Variants in OSBPL9 observed in about 807,000 individuals in gnomAD.
The protein encoded by OSBPL9 is oxysterol-binding protein-related protein 9.
A neutral mutation model predicts 106.6 loss-of-function variants in OSBPL9; 40 were observed. That is an observed-to-expected ratio of 0.38 (90% confidence interval 0.29 to 0.49). The LOEUF (loss-of-function observed/expected upper bound fraction) is 0.49, where lower values mean the gene tolerates loss of function less well. Among genes scored for constraint, OSBPL9 ranks in the 20% least tolerant of loss-of-function variants. The pLI is 0.97. For missense variants in OSBPL9, 609 were observed against 887.2 expected (o/e 0.69, Z 3.98); for synonymous variants, 269 against 295.4 (o/e 0.91, Z 0.92).
At chr1:51,619,534 A>G (rs779079218) in intron 1 of OSBPL9, among the ~76,000 whole-genome samples, 28 of 152,162 alleles carry the variant, frequency 1.8e-4, no homozygotes, top group Non-Finnish European at 3.2e-4. Context: ...GGAAGGAAGT[A>G]TCATATTTCT....
At chr1:51,762,684 T>C (rs1671777750) in intron 11 of OSBPL9, among the ~76,000 whole-genome samples, 2 of 152,250 alleles carry the variant, frequency 1.3e-5, no homozygotes, top group Non-Finnish European at 2.9e-5. Context: ...ACTTATGTCG[T>C]GTATTTTTAT....
Position 51,787,486 on chromosome 1 carries a change from A to G in OSBPL9, c.2134A>G (p.Arg712Gly). The G allele has an allele frequency of 4.3e-6, 7 of 1,613,940 alleles. No homozygotes were observed. The highest frequency in any genetic ancestry group is 5.9e-6 in the Non-Finnish European group (7 of 1,179,856). Residue 712 changes from arginine (R) to glycine (G), a missense_variant and splice_region_variant, in exon 23 of 24, where the codon AGG becomes GGG. Arg to Gly is a moderately radical substitution (Grantham distance 125, BLOSUM62 -2). This residue lies in a region of OSBPL9 where 132 missense variants were observed against 158.1 expected (regional missense o/e 0.83). Transcript: ENST00000428468. ...GGAGAAGGAAATTCAGTGGGAGACA[A>G]GGGTAAGCTTGCCTGCCCCACCCTC... ...RKEKEIQWET[R>G]LFHEDGECWV...
At chr1:51,521,768 AT>A in the OSBPL9 span, among the ~76,000 whole-genome samples, 1 of 151,922 alleles carries the variant, frequency 6.6e-6, no homozygotes, top group African/African-American at 2.4e-5. Flanking sequence ...TTTTATTTTT[AT>A]TTTTTTGAGA....
At chr1:51,678,066 C>T (rs1048560291) in intron 3 of OSBPL9, among the ~76,000 whole-genome samples, 4 of 151,404 alleles carry the variant, frequency 2.6e-5, no homozygotes, top group African/African-American at 9.7e-5. Context: ...GCCTGTAGTC[C>T]CAGCTACTCT....
intron 3 of OSBPL9, chr1:51,669,749 A>C (rs538589209): frequency 8.1e-5 from 50 of 620,378 alleles, no homozygotes; most frequent in South Asian, 5.2e-4. Flanking sequence ...AAAATTTTAA[A>C]GGATAAAAAT....
chr1:51,554,184 A>G, the OSBPL9 span, among the ~76,000 whole-genome samples: 1 of 152,232 alleles, frequency 6.6e-6, no homozygotes, highest in Non-Finnish European at 1.5e-5. Flanking sequence ...AAATACATAT[A>G]CATACACACA....
chr1:51,781,553 C>CAAA, intron 16 of OSBPL9: 1 of 453,320 alleles, frequency 2.2e-6, no homozygotes. Flanking sequence ...CTTGCAAGGT[C>CAAA]TTGTAGACCA....
chr1:51,754,293 G>A (rs965033784), intron 8 of OSBPL9, among the ~76,000 whole-genome samples: 5 of 152,200 alleles, frequency 3.3e-5, no homozygotes, highest in Non-Finnish European at 7.3e-5. Context: ...TTGGGAAAAA[G>A]GCTATGCTAG....
intron 8 of OSBPL9, among the ~76,000 whole-genome samples, chr1:51,754,906 A>G (rs1462912263): frequency 2.0e-5 from 3 of 152,126 alleles, no homozygotes; most frequent in Non-Finnish European, 4.4e-5. Flanking sequence ...TCCTGGGTTC[A>G]AGCAATCCTC....
chr1:51,692,035 C>T (rs1288698243), intron 3 of OSBPL9, among the ~76,000 whole-genome samples: 1 of 152,194 alleles, frequency 6.6e-6, no homozygotes, highest in Non-Finnish European at 1.5e-5. Flanking sequence ...AGGCTGAGTG[C>T]AGTGGCTCAC....
the OSBPL9 span, among the ~76,000 whole-genome samples, chr1:51,530,182 A>AAAAAAAAAAAAAAAAC: frequency 8.6e-6 from 1 of 116,784 alleles, no homozygotes; most frequent in African/African-American, 4.3e-5. Context: ...AAAAAAAAAA[A>AAAAAAAAAAAAAAAAC]AAAAAAAAAA....
At chr1:51,752,662 A>G (rs1187972358) in intron 8 of OSBPL9, 1 of 418,238 alleles carries the variant, frequency 2.4e-6, no homozygotes, top group South Asian at 1.8e-5. Flanking sequence ...TGGCCTGTTC[A>G]GTTTCTGATG....
At chr1:51,607,587 T>A (rs574075759) in intron 2 of OSBPL9, among the ~76,000 whole-genome samples, 6 of 152,294 alleles carry the variant, frequency 3.9e-5, no homozygotes, top group African/African-American at 1.4e-4. Context: ...GCTCTCTTAT[T>A]CCCACTAAGT....
the OSBPL9 span, among the ~76,000 whole-genome samples, chr1:51,541,543 G>A: frequency 1.3e-5 from 2 of 152,154 alleles, no homozygotes; most frequent in African/African-American, 4.8e-5. Context: ...TATTTTAGGA[G>A]CCAAGACACA....
the OSBPL9 span, among the ~76,000 whole-genome samples, chr1:51,526,207 CTTA>C: frequency 6.6e-6 from 1 of 152,174 alleles, no homozygotes; most frequent in East Asian, 1.9e-4. Flanking sequence ...TAAACCAGAT[CTTA>C]TTATTTTCCT....
At chr1:51,681,890 A>G (rs542103422) in intron 3 of OSBPL9, among the ~76,000 whole-genome samples, 4 of 152,242 alleles carry the variant, frequency 2.6e-5, no homozygotes, top group Non-Finnish European at 5.9e-5. Flanking sequence ...AATAGTTATC[A>G]TACTATACTT....
chr1:51,660,023 CATTTGG>C (rs60365356), intron 2 of OSBPL9, among the ~76,000 whole-genome samples: 4,980 of 151,998 alleles, frequency 0.033, 154 homozygotes, highest in Middle Eastern at 0.089. Context: ...AAAACAGAAC[CATTTGG>C]ATTTGGGTCT....
chr1:51,788,655 CAT>C lies in OSBPL9; in HGVS notation c.*869_*870del, dbSNP rs1678273592. 6.6e-6 allele frequency among the ~76,000 whole-genome samples: 1 copy of C among 152,088 alleles called. No individual in the cohort carries two copies. Among genetic ancestry groups the C allele is most frequent in the Non-Finnish European group, 1.5e-5 (1 of 68,024 alleles). Reference sequence around the variant, plus strand: ...AATTCCCCAGAATCTTCACTTAACTCATATTGCACATGTAGGGCTGCCTACCA... The same window carrying C: ...AATTCCCCAGAATCTTCACTTAACTCATTGCACATGTAGGGCTGCCTACCA... On this transcript the variant is annotated 3_prime_UTR_variant, in exon 24 of 24. Coordinates refer to ENST00000428468, the MANE Select transcript of OSBPL9 (RefSeq NM_024586.6).
At chr1:51,784,796 C>T in intron 20 of OSBPL9, 1 of 598,026 alleles carries the variant, frequency 1.7e-6, no homozygotes, top group South Asian at 2.5e-5. Context: ...GATAGGTTTC[C>T]TTCCTAAAAA....
Sources: gnomAD v4.1 joint callset for allele counts (sites outside exome capture counted in the v4.1 genomes callset) on GRCh38, gnomAD v4.1.1 for gene constraint, gnomAD v4.1.1 regional missense constraint, MANE v1.5 for transcripts, NCBI Gene and HGNC (gene_info 2026-07-23, HGNC 2026-07-21) for gene names.